MGAT4C: variants seen among roughly 807,000 people sequenced by gnomAD.
MGAT4C encodes the protein MGAT4 family member C.
In MGAT4C, 19 loss-of-function variants were observed where a neutral mutation model predicts 40.1. The observed-to-expected ratio is 0.47, with a 90% CI of 0.33 to 0.70. MGAT4C has a LOEUF of 0.70. Among genes scored for constraint, MGAT4C ranks in the 30% least tolerant of loss-of-function variants. The pLI is 0.02. For missense variants in MGAT4C, 491 were observed against 563.2 expected, an observed-to-expected ratio of 0.87 and a Z score of 1.30; for synonymous variants, 181 against 187.1, an observed-to-expected ratio of 0.97 and a Z score of 0.27.
intron 3 of MGAT4C, among the ~76,000 whole-genome samples, chr12:86,358,076 A>C (rs1017831583): frequency 3.9e-5 from 6 of 152,196 alleles, no homozygotes; most frequent in Non-Finnish European, 8.8e-5. Flanking sequence ...GGGCAGCCAG[A>C]GAGAAAGGTC....
At chr12:86,779,357 G>A (rs984063075) in intron 1 of MGAT4C, among the ~76,000 whole-genome samples, 1 of 152,092 alleles carries the variant, frequency 6.6e-6, no homozygotes, top group Non-Finnish European at 1.5e-5. Context: ...CATTTTGGGA[G>A]GCCAACGTGG....
intron 3 of MGAT4C, among the ~76,000 whole-genome samples, chr12:86,404,799 G>A (rs1956432104): frequency 6.6e-6 from 1 of 152,146 alleles, no homozygotes; most frequent in Non-Finnish European, 1.5e-5. Flanking sequence ...GATCATCTAT[G>A]AAAGACTTAT....
At chr12:86,499,574 A>G (rs1207480854) in intron 2 of MGAT4C, among the ~76,000 whole-genome samples, 1 of 151,794 alleles carries the variant, frequency 6.6e-6, no homozygotes, top group East Asian at 1.9e-4. Context: ...ATTCTGCCAG[A>G]CCTATATGAA....
Position 86,199,436 on chromosome 12 carries a change from C to T in MGAT4C, c.-57+56803G>A, listed in dbSNP as rs368592150. ...GCATATTCTGATTTCAGTGCTCAGTCCATTGTATTTTTTTAAGTTTTAAAA... is the reference window on the plus strand; with the variant it reads ...GCATATTCTGATTTCAGTGCTCAGTTCATTGTATTTTTTTAAGTTTTAAAA... On this transcript the variant is annotated intron_variant, in intron 1 of 4. Coordinates refer to ENST00000611864, the MANE Select transcript of MGAT4C (RefSeq NM_001351288.2). Among the ~76,000 whole-genome samples, 124 of 151,958 alleles carry T rather than the reference C, an allele frequency of 8.2e-4. No homozygotes were observed. In the Middle Eastern group the frequency reaches 0.014, roughly 17 times the overall value.
Position 86,472,713 on chromosome 12 carries a change from G to C in MGAT4C, c.-228-37448C>G, listed in dbSNP as rs1480926988. Among the ~76,000 whole-genome samples, 7 of 152,136 alleles carry C rather than the reference G, an allele frequency of 4.6e-5. No homozygotes were observed. In the East Asian group the frequency reaches 1.4e-3, roughly 29 times the overall value. ...CTTTCCAGTACAAACTAAGATATTT[G>C]CATTTTCAAGTTTTGTATTAGAAGC... is the stretch of plus-strand genomic sequence containing the variant. On this transcript the variant is annotated intron_variant, in intron 2 of 7. Transcript: ENST00000548651.
chr12:86,142,718 T>G (rs565688622), intron 1 of MGAT4C, among the ~76,000 whole-genome samples: 93 of 151,766 alleles, frequency 6.1e-4, no homozygotes, highest in South Asian at 8.3e-4. Flanking sequence ...TCTTTTTTTT[T>G]TTTGTTTTTT....
chr12:86,447,251 G>A (rs553930889), intron 2 of MGAT4C, among the ~76,000 whole-genome samples: 2 of 152,028 alleles, frequency 1.3e-5, no homozygotes, highest in Admixed American at 6.6e-5. Flanking sequence ...TCAGCCTCCC[G>A]AGTAGCTGGG....
chr12:85,973,184 G>A lies in MGAT4C; in HGVS notation c.*6105C>T, dbSNP rs1213431172. 6.6e-6 allele frequency: 1 copy of A among 150,786 alleles called. No individual in the cohort carries two copies. The highest frequency in any genetic ancestry group is 1.5e-5 in the Non-Finnish European group (1 of 67,048). 9.3% of individuals were successfully genotyped at this position (150,786 alleles called of 1,614,324 possible). On this transcript the variant is annotated 3_prime_UTR_variant, in exon 5 of 5. Coordinates refer to ENST00000611864, the MANE Select transcript of MGAT4C (RefSeq NM_001351288.2). ...TAAACGGTAAAGTGAGGGAAAGGGT[G>A]GAAGAGACAAATCCTACGTCTCTTC... is the stretch of plus-strand genomic sequence containing the variant.
intron 2 of MGAT4C, among the ~76,000 whole-genome samples, chr12:86,583,191 A>G (rs1361179559): frequency 2.0e-5 from 3 of 151,264 alleles, no homozygotes; most frequent in East Asian, 3.9e-4. Context: ...TCAGGACTAC[A>G]TATTTCACAT....
At chr12:86,041,380 G>A (rs1891823216) in intron 2 of MGAT4C, among the ~76,000 whole-genome samples, 2 of 151,956 alleles carry the variant, frequency 1.3e-5, no homozygotes, top group South Asian at 4.1e-4. Context: ...ATACTTTGCT[G>A]TTGTTTCTGC....
chr12:86,020,691 C>T (rs1889619198), intron 2 of MGAT4C, among the ~76,000 whole-genome samples: 1 of 152,188 alleles, frequency 6.6e-6, no homozygotes, highest in Non-Finnish European at 1.5e-5. Context: ...GACTTCATGT[C>T]TAAAACACCA....
At chr12:86,558,636 G>A (rs1307354479) in intron 2 of MGAT4C, among the ~76,000 whole-genome samples, 1 of 151,906 alleles carries the variant, frequency 6.6e-6, no homozygotes, top group Non-Finnish European at 1.5e-5. Context: ...AGTCCTATAG[G>A]AAATGCATAA....
rs185800873 is a variant in MGAT4C at position 85,983,813 on chromosome 12, G to T, written c.148-143C>A. The T allele has an allele frequency of 8.2e-6, 5 of 613,430 alleles. No individual in the cohort carries two copies. In the South Asian group the frequency reaches 1.3e-4, roughly 15 times the overall value. 38.0% of individuals were successfully genotyped at this position (613,430 alleles called of 1,614,324 possible). On this transcript the variant is annotated intron_variant, in intron 3 of 4. Coordinates refer to ENST00000611864, the MANE Select transcript of MGAT4C (RefSeq NM_001351288.2). ...TAAATCTCAACTACTGACGTCATAA[G>T]CTGTAGCTCATCATCACTCACCTCA... is the stretch of plus-strand genomic sequence containing the variant.
intron 1 of MGAT4C, among the ~76,000 whole-genome samples, chr12:86,815,858 G>A (rs12821982): frequency 7.2e-6 from 1 of 138,788 alleles, no homozygotes; most frequent in Admixed American, 7.4e-5. Flanking sequence ...GAAGAGTGGT[G>A]GGGGGGCAAG....
chr12:85,994,219 G>T (rs550521986), intron 2 of MGAT4C, among the ~76,000 whole-genome samples: 46 of 152,192 alleles, frequency 3.0e-4, no homozygotes, highest in Non-Finnish European at 5.0e-4. Flanking sequence ...AAGAAATACA[G>T]AAGTCCTTAG....
chr12:86,769,377 G>A (rs1439247280), intron 1 of MGAT4C, among the ~76,000 whole-genome samples: 8 of 152,064 alleles, frequency 5.3e-5, no homozygotes, highest in African/African-American at 1.9e-4. Context: ...AGGTGCTGGA[G>A]AGGATGTGGA....
chr12:85,999,435 T>C (rs950094785), intron 2 of MGAT4C, among the ~76,000 whole-genome samples: 1 of 152,148 alleles, frequency 6.6e-6, no homozygotes, highest in Non-Finnish European at 1.5e-5. Context: ...TTACTGGATA[T>C]ATATCCAAAG....
chr12:86,541,073 A>C (rs1419390003), intron 2 of MGAT4C, among the ~76,000 whole-genome samples: 1 of 152,156 alleles, frequency 6.6e-6, no homozygotes, highest in Non-Finnish European at 1.5e-5. Flanking sequence ...CATTGAAGTT[A>C]CCTATGGTAA....
At chr12:86,548,258 C>T (rs1185089594) in intron 2 of MGAT4C, among the ~76,000 whole-genome samples, 2 of 151,638 alleles carry the variant, frequency 1.3e-5, no homozygotes, top group African/African-American at 2.4e-5. Flanking sequence ...AAAGATGATC[C>T]ACACTGGGAG....
Sources: gnomAD v4.1 joint callset for allele counts (sites outside exome capture counted in the v4.1 genomes callset) on GRCh38, gnomAD v4.1.1 for gene constraint, MANE v1.5 for transcripts, NCBI Gene and HGNC (gene_info 2026-07-23, HGNC 2026-07-21) for gene names.